DCDC2: variants seen among roughly 807,000 people sequenced by gnomAD.
DCDC2 encodes doublecortin domain-containing protein 2.
In DCDC2, 40 loss-of-function variants were observed where a neutral mutation model predicts 50.2. That is an observed-to-expected ratio of 0.80 (90% CI 0.62 to 1.04). DCDC2 has a LOEUF of 1.04. DCDC2 is among the 50% of genes least tolerant of loss of function. DCDC2 has a pLI of 0.00. For missense variants in DCDC2, 570 were observed against 581.9 expected, an observed-to-expected ratio of 0.98 and a Z score of 0.21; for synonymous variants, 234 against 210.6, an observed-to-expected ratio of 1.11 and a Z score of -0.96.
rs183480366 is a variant in DCDC2 at position 24,178,590 on chromosome 6, C to G, written c.1066G>C (p.Ala356Pro). 6.8e-6 allele frequency: 11 copies of G among 1,613,930 alleles called. No homozygotes were observed. The highest frequency in any genetic ancestry group is 3.3e-5 in the South Asian group (3 of 91,064). Residue 356 changes from alanine (A) to proline (P), a missense_variant, in exon 9 of 10, where the codon GCA (alanine) becomes CCA (proline). Physicochemically the swap from Ala to Pro is conservative, Grantham distance 27. Coordinates refer to ENST00000378454, the MANE Select transcript of DCDC2 (RefSeq NM_016356.5). Reference sequence around the variant, plus strand: ...TCTTTCTGTTCTGCATCCTTGTTTGCCTTCTCTCCATCTTCTTCCTCGTCT... The same window carrying G: ...TCTTTCTGTTCTGCATCCTTGTTTGGCTTCTCTCCATCTTCTTCCTCGTCT... ...IVDEEEDGEK[A>P]NKDAEQKEDF...
chr6:24,243,862 G>C (rs1762616753), intron 7 of DCDC2, among the ~76,000 whole-genome samples: 1 of 152,106 alleles, frequency 6.6e-6, no homozygotes, highest in African/African-American at 2.4e-5. Flanking sequence ...AGAGAGATAG[G>C]GAGAGAGATG....
At chr6:24,292,799 G>T (rs888112292) in intron 4 of DCDC2, among the ~76,000 whole-genome samples, 3 of 152,190 alleles carry the variant, frequency 2.0e-5, no homozygotes, top group African/African-American at 7.2e-5. Context: ...CCTGTACATT[G>T]TAAGATGTTT....
intron 1 of DCDC2, among the ~76,000 whole-genome samples, chr6:24,355,405 C>T (rs968663208): frequency 1.2e-4 from 18 of 151,628 alleles, no homozygotes; most frequent in African/African-American, 1.9e-4. Context: ...TTGCTTTAGA[C>T]GGAAATATTT....
intron 7 of DCDC2, among the ~76,000 whole-genome samples, chr6:24,276,964 T>C (rs1024460709): frequency 6.6e-5 from 10 of 152,176 alleles, no homozygotes; most frequent in Non-Finnish European, 2.9e-5. Context: ...AGGTCTTTGA[T>C]GATTTAGACC....
chr6:24,276,231 T>G (rs901733415), intron 7 of DCDC2, among the ~76,000 whole-genome samples: 1 of 152,160 alleles, frequency 6.6e-6, no homozygotes, highest in Non-Finnish European at 1.5e-5. Flanking sequence ...ATACAGCCTC[T>G]TGTGTTCTCA....
chr6:24,356,994 A>T, intron 1 of DCDC2: 1 of 153,752 alleles, frequency 6.5e-6, no homozygotes, highest in East Asian at 1.9e-4. Flanking sequence ...GGTTGAAATA[A>T]TTTAAACAGT....
intron 7 of DCDC2, among the ~76,000 whole-genome samples, chr6:24,273,282 G>T (rs75827430): frequency 0.025 from 3,854 of 152,206 alleles, 87 homozygotes; most frequent in African/African-American, 0.055. Flanking sequence ...TCGGAAAGGC[G>T]GAAGGGTGGG....
At chr6:24,261,846 G>A (rs546178742) in intron 7 of DCDC2, among the ~76,000 whole-genome samples, 43 of 152,142 alleles carry the variant, frequency 2.8e-4, no homozygotes, top group African/African-American at 9.6e-4. Context: ...AACAATCAAT[G>A]AAGTAGCCCA....
intron 2 of DCDC2, among the ~76,000 whole-genome samples, chr6:24,302,374 A>G (rs1056205330): frequency 3.9e-5 from 6 of 152,024 alleles, no homozygotes; most frequent in African/African-American, 1.4e-4. Context: ...GAAAAACAAC[A>G]AAATAATCCT....
At chr6:24,291,630 C>A (rs896425513) in intron 4 of DCDC2, among the ~76,000 whole-genome samples, 3 of 150,400 alleles carry the variant, frequency 2.0e-5, no homozygotes, top group Non-Finnish European at 4.5e-5. Context: ...GGACTACAGG[C>A]GCCCGCCACT....
intron 8 of DCDC2, among the ~76,000 whole-genome samples, chr6:24,180,717 C>G (rs893840685): frequency 6.6e-6 from 1 of 151,810 alleles, no homozygotes. Flanking sequence ...AGTTTGGAAC[C>G]CAGTTAGCCC....
chr6:24,186,446 T>C (rs1761205223), intron 8 of DCDC2, among the ~76,000 whole-genome samples: 1 of 152,178 alleles, frequency 6.6e-6, no homozygotes, highest in Non-Finnish European at 1.5e-5. Context: ...AAAATATCTT[T>C]CATCAGCATC....
At chr6:24,326,060 G>A (rs758973203) in intron 2 of DCDC2, among the ~76,000 whole-genome samples, 1 of 147,856 alleles carries the variant, frequency 6.8e-6, no homozygotes, top group East Asian at 2.3e-4. Flanking sequence ...CAAGTTTCAT[G>A]CAAAGTTCCA....
the DCDC2 span, among the ~76,000 whole-genome samples, chr6:24,366,063 C>A: frequency 6.6e-6 from 1 of 152,190 alleles, no homozygotes; most frequent in Non-Finnish European, 1.5e-5. Flanking sequence ...GGTGATCATC[C>A]TGCTTCAGCC....
chr6:24,180,569 T>G (rs977761034), intron 8 of DCDC2, among the ~76,000 whole-genome samples: 2 of 151,936 alleles, frequency 1.3e-5, no homozygotes, highest in Non-Finnish European at 2.9e-5. Context: ...ATTACAGGCA[T>G]GAGCCACCAT....
At chr6:24,346,971 C>T (rs545383675) in intron 2 of DCDC2, among the ~76,000 whole-genome samples, 13 of 152,032 alleles carry the variant, frequency 8.6e-5, no homozygotes, top group Non-Finnish European at 1.9e-4. Flanking sequence ...TCACATGTAT[C>T]TTGGGAAGAA....
chr6:24,268,897 A>C (rs1763180845), intron 7 of DCDC2, among the ~76,000 whole-genome samples: 1 of 152,200 alleles, frequency 6.6e-6, no homozygotes, highest in Non-Finnish European at 1.5e-5. Context: ...TTTAAAGGAA[A>C]TAAAATCTTG....
At chr6:24,223,447 G>A (rs1337747535) in intron 7 of DCDC2, among the ~76,000 whole-genome samples, 1 of 152,080 alleles carries the variant, frequency 6.6e-6, no homozygotes, top group African/African-American at 2.4e-5. Flanking sequence ...TTTGTGTATC[G>A]AGCACTCTCT....
intron 6 of DCDC2, among the ~76,000 whole-genome samples, chr6:24,282,741 TG>T (rs1330564717): frequency 8.3e-6 from 1 of 119,804 alleles, no homozygotes; most frequent in Non-Finnish European, 1.6e-5. Context: ...ATGTATTTCA[TG>T]GGTGCACCCA....
Sources: allele counts gnomAD v4.1 joint callset (sites outside exome capture counted in the v4.1 genomes callset), GRCh38; gene constraint gnomAD v4.1.1; transcripts MANE v1.5; gene names NCBI Gene and HGNC (gene_info 2026-07-23, HGNC 2026-07-21).